Variants in SYCP2 observed in about 807,000 individuals in gnomAD.
SYCP2 encodes synaptonemal complex protein 2.
In SYCP2, 55 loss-of-function variants were observed where a neutral mutation model predicts 211.3. The observed-to-expected ratio is 0.26, with a 90% confidence interval of 0.21 to 0.33. SYCP2 has a LOEUF of 0.33. SYCP2 is among the 10% of genes least tolerant of loss of function. SYCP2 has a pLI of 1.00. For synonymous variants in SYCP2, 570 were observed against 555.2 expected, an observed-to-expected ratio of 1.03 and a Z score of -0.37; for missense variants, 1,731 against 1,752.0, an observed-to-expected ratio of 0.99 and a Z score of 0.21.
chr20:59,919,459 T>A (rs554333593), intron 6 of SYCP2, 34 bp downstream of exon 6: 1 of 1,408,756 alleles, frequency 7.1e-7, no homozygotes, highest in East Asian at 2.3e-5. Context: ...AACACATGCT[T>A]TATAAATATC....
At position 59,900,831 on chromosome 20, in the gene SYCP2, C is replaced by G; in HGVS notation, c.1183-13G>C. 6.4e-7 allele frequency: 1 copy of G among 1,557,292 alleles called. No individual in the cohort carries two copies. Among genetic ancestry groups the G allele is most frequent in the Non-Finnish European group, 8.9e-7 (1 of 1,129,812 alleles). ...TTCTGATAGATTCCTAAAATTAAATCAATTCACAGTGATGACATTTTCTTC... is the reference window on the plus strand; with the variant it reads ...TTCTGATAGATTCCTAAAATTAAATGAATTCACAGTGATGACATTTTCTTC... On this transcript the variant is annotated splice_polypyrimidine_tract_variant and intron_variant, in intron 16 of 44. Coordinates refer to ENST00000357552, the MANE Select transcript of SYCP2 (RefSeq NM_014258.4).
chr20:59,915,125 A>G (rs2060412218), intron 10 of SYCP2, 40 bp downstream of exon 10: 2 of 1,300,146 alleles, frequency 1.5e-6, no homozygotes, highest in Non-Finnish European at 1.1e-6. Flanking sequence ...TGCTATTCAT[A>G]AATATGGAAT....
chr20:59,866,647 A>C, intron 39 of SYCP2, 58 bp from the exon 40 acceptor site: 1 of 1,099,546 alleles, frequency 9.1e-7, no homozygotes, highest in Non-Finnish European at 1.3e-6. Flanking sequence ...TCTAACCAAG[A>C]CTACAGTAAC....
intron 2 of SYCP2, among the ~76,000 whole-genome samples, chr20:59,931,697 A>C (rs1185501641): frequency 6.6e-6 from 1 of 152,220 alleles, no homozygotes; most frequent in African/African-American, 2.4e-5. Flanking sequence ...AAAGAGGCAC[A>C]TAAAGCTAAC....
intron 44 of SYCP2, 74 bp downstream of exon 44, chr20:59,865,314 G>T: frequency 8.5e-7 from 1 of 1,173,214 alleles, no homozygotes; most frequent in Non-Finnish European, 1.2e-6. Context: ...AGACATAAAA[G>T]CACACACACA....
At chr20:59,866,042 G>A (rs1259740682) in intron 41 of SYCP2, among the ~76,000 whole-genome samples, 177 bp from the exon 42 acceptor site, 2 of 145,744 alleles carry the variant, frequency 1.4e-5, no homozygotes, top group African/African-American at 2.8e-5. Context: ...GATGTCATAT[G>A]CTCTTTCAAA....
intron 2 of SYCP2, among the ~76,000 whole-genome samples, chr20:59,929,847 AAAG>A (rs2060702094): frequency 6.6e-6 from 1 of 152,162 alleles, no homozygotes; most frequent in South Asian, 2.1e-4. Flanking sequence ...ACAAAAAAAA[AAAG>A]AGAATTTTAA....
chr20:59,886,243 G>A (rs1255362906), intron 25 of SYCP2, among the ~76,000 whole-genome samples: 2 of 151,950 alleles, frequency 1.3e-5, no homozygotes, highest in Non-Finnish European at 2.9e-5. Flanking sequence ...AGTAAGGCCA[G>A]AATTAACGTA....
At chr20:59,904,359 C>G (rs1214883120) in intron 15 of SYCP2, among the ~76,000 whole-genome samples, 1 of 152,122 alleles carries the variant, frequency 6.6e-6, no homozygotes, top group Non-Finnish European at 1.5e-5. Flanking sequence ...AGAACTGTAT[C>G]TTCCACAGTC....
intron 1 of SYCP2, among the ~76,000 whole-genome samples, chr20:59,932,846 G>A (rs1415439860): frequency 6.6e-6 from 1 of 152,126 alleles, no homozygotes; most frequent in Admixed American, 6.5e-5. Flanking sequence ...CGCAAGGAGA[G>A]GCCGCAGGTG....
chr20:59,919,756 G>GT (rs573768688), intron 5 of SYCP2, among the ~76,000 whole-genome samples, 159 bp from the exon 6 acceptor site: 251 of 150,234 alleles, frequency 1.7e-3, no homozygotes, highest in African/African-American at 4.8e-3. Context: ...GATCTTCCTT[G>GT]TTTTTTTTTA....
intron 39 of SYCP2, among the ~76,000 whole-genome samples, chr20:59,867,014 CA>C (rs779891839): frequency 0.039 from 2,360 of 60,388 alleles, 23 homozygotes; most frequent in African/African-American, 0.078. Context: ...GGCCTTGGGC[CA>C]AAAAAAAAAA....
At chr20:59,901,545 G>A in intron 16 of SYCP2, 117 bp downstream of exon 16, 7 of 630,872 alleles carry the variant, frequency 1.1e-5, no homozygotes, top group Non-Finnish European at 1.8e-5. Flanking sequence ...CAAATTTAAA[G>A]AACTAAAATC....
intron 15 of SYCP2, among the ~76,000 whole-genome samples, chr20:59,904,596 TTATC>T (rs2060180073): frequency 1.3e-5 from 2 of 152,198 alleles, no homozygotes; most frequent in South Asian, 4.1e-4. Context: ...TGTATATGCA[TTATC>T]TATCATAAAA....
intron 15 of SYCP2, 143 bp from the exon 16 acceptor site, chr20:59,901,953 G>A (rs970282710): frequency 4.5e-5 from 27 of 593,408 alleles, no homozygotes; most frequent in Non-Finnish European, 7.1e-5. Flanking sequence ...AATCAATTCT[G>A]GCACTACTTA....
At chr20:59,906,458 C>A (rs1453096248) in intron 15 of SYCP2, among the ~76,000 whole-genome samples, 2 of 152,100 alleles carry the variant, frequency 1.3e-5, no homozygotes, top group African/African-American at 4.8e-5. Flanking sequence ...AAAAGAAAAG[C>A]CTTTACAGCA....
In SYCP2 at chr20:59,878,009, A is replaced by C. The variant is rs755499931; in HGVS notation, c.2978T>G (p.Met993Arg). 1 of 1,603,734 alleles carries C rather than the reference A, an allele frequency of 6.2e-7. No homozygotes were observed. Among genetic ancestry groups the C allele is most frequent in the Non-Finnish European group, 8.5e-7 (1 of 1,174,736 alleles). ...TTGAACACAAACTTCTTGGCTTACC[A>C]TTTTAGAGCTTGGCTGTCCCTTTTC... The part of the protein sequence containing the change: ...SLEKGQPSSK[M>R]TPSKNITKKM... The change falls in exon 32 of 45, where the codon ATG becomes AGG. Residue 993 changes from methionine (M) to arginine (R), a missense_variant and splice_region_variant. Met to Arg is a moderately conservative substitution (Grantham distance 91). Around this residue, in one of 3 missense-constraint regions of SYCP2, gnomAD observed 1,387 missense variants for 1,351.3 expected, o/e 1.03. Transcript: ENST00000357552.
rs913260529 is a variant in SYCP2 at position 59,863,760 on chromosome 20, T to A, written c.*551A>T. On this transcript the variant is annotated 3_prime_UTR_variant, in exon 45 of 45. Coordinates refer to ENST00000357552, the MANE Select transcript of SYCP2 (RefSeq NM_014258.4). ...TAACATATTTAGGCAATGTAGTAGC[T>A]TTTTTAGGCCATTTAGTGCTTCCTA... 2 of 151,950 alleles carry A rather than the reference T, an allele frequency of 1.3e-5. No homozygotes were observed. The highest frequency in any genetic ancestry group is 2.4e-5 in the African/African-American group (1 of 41,418). 9.4% of individuals were successfully genotyped at this position (151,950 alleles called of 1,614,324 possible). A position where few individuals can be genotyped will look rare whatever the true frequency, so the allele number is the denominator to read the frequency against.
intron 24 of SYCP2, among the ~76,000 whole-genome samples, chr20:59,891,386 G>A (rs780045962): frequency 6.6e-6 from 1 of 151,956 alleles, no homozygotes; most frequent in Non-Finnish European, 1.5e-5. Flanking sequence ...TGGCAAAGTA[G>A]CTAAAAATGT....
Sources: allele counts gnomAD v4.1 joint callset (sites outside exome capture counted in the v4.1 genomes callset), GRCh38; gene constraint gnomAD v4.1.1; regional missense constraint gnomAD v4.1.1; transcripts MANE v1.5; gene names NCBI Gene and HGNC (gene_info 2026-07-23, HGNC 2026-07-21).